RLN2: variants seen among roughly 807,000 people sequenced by gnomAD.
RLN2 encodes the protein prorelaxin H2.
In RLN2, 10 loss-of-function variants were observed where a neutral mutation model predicts 7.3. The ratio of observed to expected loss-of-function variants is 1.36; its 90% CI spans 0.84 to 2.31. The LOEUF (loss-of-function observed/expected upper bound fraction) is 2.31. Ranked by LOEUF, RLN2 falls within the 30% of genes most tolerant of loss-of-function variation. RLN2 has a pLI of 0.00. For synonymous variants in RLN2, 103 were observed against 82.3 expected (o/e 1.25, Z -1.36); for missense variants, 298 against 217.6 (o/e 1.37, Z -2.32).
intron 1 of RLN2, 136 bp from the exon 2 acceptor site, chr9:5,300,580 A>G (rs1022119470): frequency 6.3e-6 from 4 of 630,716 alleles, no homozygotes; most frequent in African/African-American, 5.5e-5. Context: ...ATAAGCAAGC[A>G]TCCTAATATC....
the RLN2 span, among the ~76,000 whole-genome samples, chr9:5,334,246 A>G: frequency 6.6e-6 from 1 of 152,064 alleles, no homozygotes; most frequent in Non-Finnish European, 1.5e-5. Flanking sequence ...TGCAGATGAC[A>G]TGGTCCTATT....
At chr9:5,311,638 G>A in the RLN2 span, 1 of 1,316,324 alleles carries the variant, frequency 7.6e-7, no homozygotes, top group East Asian at 2.3e-5. Context: ...CTGGCAAGGA[G>A]GGGAATAACC....
chr9:5,316,880 C>T, the RLN2 span, among the ~76,000 whole-genome samples: 1 of 151,954 alleles, frequency 6.6e-6, no homozygotes, highest in Non-Finnish European at 1.5e-5. Context: ...CTGTCTTCCA[C>T]AATGGCTGAA....
chr9:5,331,440 G>A, the RLN2 span, among the ~76,000 whole-genome samples: 2,800 of 152,032 alleles, frequency 0.018, 133 homozygotes, highest in African/African-American at 0.065. Context: ...ATGATAGACT[G>A]GATTAAGAAA....
chr9:5,302,117 G>C (rs759588059), intron 1 of RLN2, among the ~76,000 whole-genome samples: 2 of 152,230 alleles, frequency 1.3e-5, no homozygotes, highest in South Asian at 4.1e-4. Flanking sequence ...AGCCAAAACA[G>C]TTATAGTTTG....
the RLN2 span, among the ~76,000 whole-genome samples, chr9:5,325,519 C>A: frequency 6.6e-6 from 1 of 152,024 alleles, no homozygotes; most frequent in South Asian, 2.1e-4. Flanking sequence ...TTGTTAACCT[C>A]TAGCACAGTT....
At chr9:5,336,229 T>C in the RLN2 span, among the ~76,000 whole-genome samples, 9 of 152,072 alleles carry the variant, frequency 5.9e-5, no homozygotes, top group Admixed American at 1.3e-4. Context: ...GTATTTTATA[T>C]GAAAGAGAGA....
the RLN2 span, among the ~76,000 whole-genome samples, chr9:5,322,033 G>C: frequency 7.9e-5 from 12 of 152,178 alleles, no homozygotes; most frequent in East Asian, 1.7e-3. Flanking sequence ...TGTGCAAATA[G>C]GAACTCTGTA....
chr9:5,319,779 T>C, the RLN2 span, among the ~76,000 whole-genome samples: 5 of 152,102 alleles, frequency 3.3e-5, no homozygotes, highest in East Asian at 9.7e-4. Context: ...CATCTCTCTG[T>C]GTAAATAACT....
At chr9:5,312,980 C>CTT in the RLN2 span, among the ~76,000 whole-genome samples, 1 of 151,844 alleles carries the variant, frequency 6.6e-6, no homozygotes, top group African/African-American at 2.4e-5. Flanking sequence ...TTTGTTAAGA[C>CTT]TTGTTTTGTG....
chr9:5,306,153 G>A (rs892202239), upstream of RLN2, among the ~76,000 whole-genome samples: 2 of 148,210 alleles, frequency 1.3e-5, no homozygotes, highest in African/African-American at 5.1e-5. Flanking sequence ...TTGTCGCCAG[G>A]CTGGAGTGCA....
chr9:5,325,362 T>C, the RLN2 span, among the ~76,000 whole-genome samples: 1 of 152,042 alleles, frequency 6.6e-6, no homozygotes, highest in African/African-American at 2.4e-5. Flanking sequence ...AACTAGATTA[T>C]GCTTTTCTAG....
the RLN2 span, chr9:5,311,800 C>A: frequency 2.9e-6 from 2 of 693,038 alleles, no homozygotes; most frequent in Non-Finnish European, 5.0e-6. Context: ...TATAAAAATG[C>A]AGAATTTTTT....
At chr9:5,336,459 C>T in the RLN2 span, among the ~76,000 whole-genome samples, 3 of 152,020 alleles carry the variant, frequency 2.0e-5, no homozygotes, top group African/African-American at 7.3e-5. Flanking sequence ...TGGGAACCTG[C>T]TGGACACCCA....
At chr9:5,305,620 C>T (rs543710967), upstream of RLN2, among the ~76,000 whole-genome samples, 1 of 152,072 alleles carries the variant, frequency 6.6e-6, no homozygotes, top group East Asian at 1.9e-4. Flanking sequence ...GTAGACAACC[C>T]TTCTACCTGT....
the RLN2 span, among the ~76,000 whole-genome samples, chr9:5,319,926 A>T: frequency 6.6e-6 from 1 of 151,788 alleles, no homozygotes; most frequent in Non-Finnish European, 1.5e-5. Context: ...CTTAAACTTA[A>T]TTTTTTTATT....
the RLN2 span, among the ~76,000 whole-genome samples, chr9:5,328,081 G>A: frequency 4.6e-5 from 7 of 152,030 alleles, no homozygotes; most frequent in Admixed American, 1.3e-4. Context: ...GACAGAAGTA[G>A]GCTTCAGAAG....
At chr9:5,325,377 C>G in the RLN2 span, among the ~76,000 whole-genome samples, 1 of 151,930 alleles carries the variant, frequency 6.6e-6, no homozygotes, top group African/African-American at 2.4e-5. Flanking sequence ...TTCTAGAAAA[C>G]TGCATTAATT....
the RLN2 span, among the ~76,000 whole-genome samples, chr9:5,334,354 TGGA>T: frequency 5.6e-4 from 85 of 152,136 alleles, no homozygotes; most frequent in African/African-American, 2.0e-3. Flanking sequence ...AGACATTTGA[TGGA>T]GGAGATTAAC....
Sources: allele counts gnomAD v4.1 joint callset (sites outside exome capture counted in the v4.1 genomes callset), GRCh38; gene constraint gnomAD v4.1.1; transcripts MANE v1.5; gene names NCBI Gene and HGNC (gene_info 2026-07-23, HGNC 2026-07-21).